RPL12: variants seen among roughly 807,000 people sequenced by gnomAD.
RPL12 encodes large ribosomal subunit protein uL11.
In RPL12, 10 loss-of-function variants were observed where a neutral mutation model predicts 24.5. The observed-to-expected ratio is 0.41, with a 90% CI of 0.25 to 0.69. The LOEUF (loss-of-function observed/expected upper bound fraction) is 0.69. Among genes scored for constraint, RPL12 ranks in the 30% least tolerant of loss-of-function variants. RPL12 has a pLI of 0.33. For missense variants in RPL12, 137 were observed against 205.3 expected (o/e 0.67, Z 2.03); for synonymous variants, 74 against 76.1 (o/e 0.97, Z 0.14).
chr9:127,447,932 C>T lies in RPL12; in HGVS notation c.437G>A (p.Arg146His), dbSNP rs771480313. The change falls in exon 6 of 7, where the codon CGC becomes CAC. Residue 146 changes from arginine to histidine, a missense_variant. Arg to His is a conservative substitution (Grantham distance 29, BLOSUM62 0). Coordinates refer to ENST00000361436, the MANE Select transcript of RPL12 (RefSeq NM_000976.4). ...AQSVGCNVDG[R>H]HPHDIIDDIN... ...GTCATCGATGATGTCATGAGGATGG[C>T]GGCCATCAACATTACAGCCCACTGA... 8.7e-6 allele frequency: 14 copies of T among 1,613,442 alleles called. No homozygotes were observed. The highest frequency in any genetic ancestry group is 6.7e-5 in the African/African-American group (5 of 74,862).
At chr9:127,451,228 C>G in intron 1 of RPL12, 53 bp downstream of exon 1, 1 of 1,598,348 alleles carries the variant, frequency 6.3e-7, no homozygotes, top group East Asian at 2.2e-5. Context: ...GCACGCGCGG[C>G]AGGGCCGAGG....
At position 127,449,435 on chromosome 9, in the gene RPL12, A is replaced by T. The variant is rs150401761; in HGVS notation, c.211-73T>A. The T allele has an allele frequency of 2.2e-3, 3,175 of 1,435,400 alleles. 43 individuals are homozygous for T. In the East Asian group the frequency reaches 0.041, roughly 19 times the overall value. The allele number at this position is 1,435,400 out of a possible 1,614,324, so 88.9% of individuals were successfully genotyped here. A position where few individuals can be genotyped will look rare whatever the true frequency, so the allele number is the denominator to read the frequency against. ...CCATGCACGCTGGCTCTCAAAAATC[A>T]TGGCCACACACTGTCCAAGTCTTTG... On this transcript the variant is annotated intron_variant, in intron 3 of 6. Transcript: ENST00000361436.
Position 127,449,627 on chromosome 9 carries a change from G to A in RPL12, c.193C>T (p.Gln65Ter). 1 of 1,614,028 alleles carries A rather than the reference G, an allele frequency of 6.2e-7. No individual in the cohort carries two copies. The highest frequency in any genetic ancestry group is 8.5e-7 in the Non-Finnish European group (1 of 1,179,932). ...GCAAATACCTGGGCCTGTCTGTTCT[G>A]AATGGTCAGTTTCACTGTAATCCTC... The part of the protein sequence containing the change: ...GLRITVKLTI[Q>*]NRQAQIEVVP... The change falls in exon 3 of 7, where the codon CAG becomes TAG. Residue 65 changes from glutamine (Q) to a stop codon, truncating the protein, a stop_gained. Coordinates refer to ENST00000361436, the MANE Select transcript of RPL12 (RefSeq NM_000976.4). LOFTEE classifies it high-confidence loss of function.
In RPL12 at chr9:127,451,387, C is replaced by CT; in HGVS notation, c.-71_-70insA. ...GAAGGAAGTTGCACCTTGGCCTCCT[C>CT]CGAGCCGAAAGCCGAGAGGCCGGAA... On this transcript the variant is annotated 5_prime_UTR_variant, in exon 1 of 7. Coordinates refer to ENST00000361436, the MANE Select transcript of RPL12 (RefSeq NM_000976.4). 4 of 1,592,592 alleles carry CT rather than the reference C, an allele frequency of 2.5e-6. No homozygotes were observed. Among genetic ancestry groups the CT allele is most frequent in the Non-Finnish European group, 2.6e-6 (3 of 1,167,354 alleles).
intron 5 of RPL12, 141 bp downstream of exon 5, chr9:127,448,195 CA>C (rs1325594031): frequency 2.5e-5 from 24 of 965,256 alleles, no homozygotes; most frequent in Non-Finnish European, 3.9e-5. Context: ...TAAACACATC[CA>C]ATTTACGATC....
chr9:127,448,160 T>G (rs1180099255), intron 5 of RPL12, among the ~76,000 whole-genome samples, 171 bp from the exon 6 acceptor site: 1 of 152,190 alleles, frequency 6.6e-6, no homozygotes, highest in African/African-American at 2.4e-5. Flanking sequence ...AATGCAAAGC[T>G]TCCATGGGTC....
chr9:127,448,708 C>A, intron 4 of RPL12: 1 of 620,844 alleles, frequency 1.6e-6, no homozygotes, highest in Non-Finnish European at 3.0e-6. Flanking sequence ...CTTAAATTGC[C>A]AGGGAGTTAA....
intron 1 of RPL12, 103 bp from the exon 2 acceptor site, chr9:127,450,907 A>C: frequency 1.1e-6 from 1 of 926,310 alleles, no homozygotes; most frequent in South Asian, 1.5e-5. Flanking sequence ...CCTCTTCTCG[A>C]AACAGCACAG....
intron 4 of RPL12, chr9:127,449,047 G>A (rs556796881): frequency 9.2e-6 from 4 of 434,126 alleles, no homozygotes; most frequent in East Asian, 4.6e-5. Context: ...GGCTGGTCTC[G>A]AACTCCTGAT....
rs1011419064 is a variant in RPL12, at chr9:127,451,398, G to A, written c.-81C>T. On this transcript the variant is annotated 5_prime_UTR_variant, in exon 1 of 7. Transcript: ENST00000361436. ...CACCTTGGCCTCCTCCGAGCCGAAA[G>A]CCGAGAGGCCGGAAATCGCGCGGAC... is the stretch of plus-strand genomic sequence containing the variant. The A allele has an allele frequency of 2.0e-5, 32 of 1,572,254 alleles. No homozygotes were observed. In the African/African-American group the frequency reaches 2.7e-4, roughly 13 times the overall value.
At position 127,449,379 on chromosome 9, in the gene RPL12, TG is replaced by T. The variant is rs771960308; in HGVS notation, c.211-18del. 3.6e-5 allele frequency: 58 copies of T among 1,602,854 alleles called. No homozygotes were observed. The highest frequency in any genetic ancestry group is 4.7e-5 in the Non-Finnish European group (55 of 1,176,566). ...CACCTCAATCTGCAGAAGAGATTCCTGAGTGAATACTCCACCTCCAGTGAAT... is the reference window on the plus strand; with the variant it reads ...CACCTCAATCTGCAGAAGAGATTCCTAGTGAATACTCCACCTCCAGTGAAT... On this transcript the variant is annotated intron_variant, in intron 3 of 6. Transcript: ENST00000361436.
rs199754114 is a variant in RPL12 at position 127,449,603 on chromosome 9, C to T, written c.210+7G>A. On this transcript the variant is annotated splice_region_variant and intron_variant, in intron 3 of 6. Coordinates refer to ENST00000361436, the MANE Select transcript of RPL12 (RefSeq NM_000976.4). ...CTCCTCTCCCGAAACCAAGCACAAG[C>T]AAATACCTGGGCCTGTCTGTTCTGA... 6.2e-7 allele frequency: 1 copy of T among 1,613,272 alleles called. No homozygotes were observed. The highest frequency in any genetic ancestry group is 1.3e-5 in the African/African-American group (1 of 75,026).
chr9:127,451,124 G>A (rs1834298373), intron 1 of RPL12, 157 bp downstream of exon 1: 3 of 999,262 alleles, frequency 3.0e-6, no homozygotes, highest in East Asian at 5.3e-5. Context: ...AAGAAGCTAA[G>A]GCCCAGAAAG....
chr9:127,449,516 T>C, intron 3 of RPL12, 94 bp downstream of exon 3: 2 of 1,339,558 alleles, frequency 1.5e-6, no homozygotes, highest in South Asian at 1.2e-5. Context: ...CACTCTCGGC[T>C]CACCACTGGT....
chr9:127,449,803 A>G (rs1396203044), intron 2 of RPL12, 95 bp from the exon 3 acceptor site: 2 of 932,168 alleles, frequency 2.1e-6, no homozygotes, highest in East Asian at 4.9e-5. Flanking sequence ...AAAGGAAGCT[A>G]TCTCAAGTAC....
chr9:127,449,343 G>A lies in RPL12; in HGVS notation c.230C>T (p.Ala77Val). The change falls in exon 4 of 7, where the codon GCC becomes GTC. Residue 77 changes from alanine to valine, a missense_variant. Around this residue, in one of 3 missense-constraint regions of RPL12, gnomAD observed 118 missense variants for 160.7 expected, o/e 0.73. Transcript: ENST00000361436. Reference protein sequence around the residue: ...RQAQIEVVPSASALIIKALKE... With the variant: ...RQAQIEVVPSVSALIIKALKE... The stretch of plus-strand genomic sequence containing the variant: ...GAGGGCTTTGATGATCAGGGCAGAG[G>A]CAGAAGGCACCACCTCAATCTGCAG... 2 of 1,609,588 alleles carry A rather than the reference G, an allele frequency of 1.2e-6. No individual in the cohort carries two copies. Among genetic ancestry groups the A allele is most frequent in the Non-Finnish European group, 1.7e-6 (2 of 1,179,852 alleles).
chr9:127,448,079 G>A, intron 5 of RPL12, 90 bp from the exon 6 acceptor site: 1 of 1,425,296 alleles, frequency 7.0e-7, no homozygotes, highest in Non-Finnish European at 9.4e-7. Flanking sequence ...GTTCATAGCA[G>A]GCAATGGAAG....
At position 127,448,419 on chromosome 9, in the gene RPL12, T is replaced by A. The variant is rs760774103; in HGVS notation, c.297A>T (p.Lys99Asn). The A allele has an allele frequency of 6.2e-7, 1 of 1,609,524 alleles. No homozygotes were observed. The highest frequency in any genetic ancestry group is 8.5e-7 in the Non-Finnish European group (1 of 1,175,788). Residue 99 changes from lysine (K) to asparagine (N), a missense_variant, in exon 5 of 7, where the codon AAA becomes AAT. Lys to Asn is a moderately conservative substitution (Grantham distance 94). This residue lies in a region of RPL12 where 118 missense variants were observed against 160.7 expected (regional missense o/e 0.73). Coordinates refer to ENST00000361436, the MANE Select transcript of RPL12 (RefSeq NM_000976.4). ...CATCAAAAGTGATATTCCCACTGTG[T>A]TTAACTGCAGAAGAGGAAACAGCAA... ...PRDRKKQKNIKHSGNITFDEI... is the reference protein window; with the variant it reads ...PRDRKKQKNINHSGNITFDEI...
intron 5 of RPL12, 37 bp from the exon 6 acceptor site, chr9:127,448,026 C>T (rs1834203021): frequency 6.4e-7 from 1 of 1,573,280 alleles, no homozygotes; most frequent in Non-Finnish European, 8.6e-7. Context: ...GAGGTGCTGG[C>T]TCAGTCCCTC....
Sources: allele counts gnomAD v4.1 joint callset (sites outside exome capture counted in the v4.1 genomes callset), GRCh38; gene constraint gnomAD v4.1.1; regional missense constraint gnomAD v4.1.1; transcripts MANE v1.5; gene names NCBI Gene and HGNC (gene_info 2026-07-23, HGNC 2026-07-21).